ATAD2B: variants seen among roughly 807,000 people sequenced by gnomAD.
The protein encoded by ATAD2B is ATPase family AAA domain containing 2B.
In ATAD2B, 40 loss-of-function variants were observed where a neutral mutation model predicts 167.6. That is an observed-to-expected ratio of 0.24 (90% confidence interval 0.19 to 0.31). The LOEUF is 0.31. ATAD2B is among the 10% of genes least tolerant of loss of function. ATAD2B has a pLI of 1.00. For missense variants in ATAD2B, 1,242 were observed against 1,757.2 expected (o/e 0.71, Z 5.24); for synonymous variants, 579 against 596.5 (o/e 0.97, Z 0.43).
At chr2:23,873,744 A>C (rs1025694866) in intron 8 of ATAD2B, among the ~76,000 whole-genome samples, 4 of 152,240 alleles carry the variant, frequency 2.6e-5, no homozygotes, top group Non-Finnish European at 5.9e-5. Flanking sequence ...TTCTTCTCGT[A>C]GCTTCAGTAA....
chr2:23,712,557 AGG>A, the ATAD2B span, among the ~76,000 whole-genome samples: 3 of 152,224 alleles, frequency 2.0e-5, no homozygotes, highest in African/African-American at 7.2e-5. Flanking sequence ...AGCAGAGGAG[AGG>A]GGAGAACAGC....
intron 24 of ATAD2B, among the ~76,000 whole-genome samples, chr2:23,760,747 CACAT>C (rs1233941535): frequency 1.7e-5 from 2 of 115,838 alleles, no homozygotes; most frequent in Non-Finnish European, 3.7e-5. Context: ...CACACACACA[CACAT>C]ACACACACAC....
At chr2:23,840,889 T>C (rs892150703) in intron 13 of ATAD2B, among the ~76,000 whole-genome samples, 1 of 152,148 alleles carries the variant, frequency 6.6e-6, no homozygotes, top group African/African-American at 2.4e-5. Flanking sequence ...TGAACTATGG[T>C]TATTAGGGAA....
chr2:23,694,567 G>A, the ATAD2B span, among the ~76,000 whole-genome samples: 1 of 152,158 alleles, frequency 6.6e-6, no homozygotes, highest in Non-Finnish European at 1.5e-5. Context: ...AGTCCTTGTT[G>A]AGCATGAGCA....
intron 1 of ATAD2B, among the ~76,000 whole-genome samples, chr2:23,921,834 G>A (rs1703975871): frequency 6.6e-6 from 1 of 152,138 alleles, no homozygotes; most frequent in African/African-American, 2.4e-5. Context: ...ACAGTATAAG[G>A]AAAAACTTGC....
intron 8 of ATAD2B, among the ~76,000 whole-genome samples, chr2:23,874,133 G>C (rs2150133142): frequency 6.6e-6 from 1 of 151,984 alleles, no homozygotes; most frequent in African/African-American, 2.4e-5. Flanking sequence ...GTTGCAGTGA[G>C]CCGAGATCAC....
intron 22 of ATAD2B, among the ~76,000 whole-genome samples, chr2:23,779,262 G>T (rs1274763923): frequency 7.3e-6 from 1 of 137,692 alleles, no homozygotes; most frequent in Non-Finnish European, 1.5e-5. Flanking sequence ...TGCAAGCTCC[G>T]CCTCCCGGGT....
the ATAD2B span, among the ~76,000 whole-genome samples, chr2:23,682,673 C>G: frequency 6.6e-6 from 1 of 150,814 alleles, no homozygotes; most frequent in Non-Finnish European, 1.5e-5. This position sits in a 1 kb window ranked among gnomAD's most constrained non-coding sequence, Gnocchi z 4.1. Flanking sequence ...TGCTCCTGCA[C>G]CCTCCCACAC....
chr2:23,758,063 C>G lies in ATAD2B; in HGVS notation c.3433G>C (p.Gly1145Arg). ...RRKSRRRSQW[G>R]KGIIKKRKVN... ...TTCCTTTTCTTAATAATTCCTTTAC[C>G]CCACTGTGATCTCCGCCTTGATTTT... The change falls in exon 25 of 28, where the codon GGT becomes CGT. Residue 1145 changes from glycine (G) to arginine (R), a missense_variant. By Grantham distance (125) the Gly-to-Arg change is moderately radical. Coordinates refer to ENST00000238789, the MANE Select transcript of ATAD2B (RefSeq NM_017552.4). The G allele has an allele frequency of 6.3e-7, 1 of 1,595,326 alleles. No individual in the cohort carries two copies. The highest frequency in any genetic ancestry group is 8.5e-7 in the Non-Finnish European group (1 of 1,175,926).
chr2:23,825,656 A>C (rs1470417336), intron 15 of ATAD2B, among the ~76,000 whole-genome samples: 2 of 152,336 alleles, frequency 1.3e-5, no homozygotes, highest in South Asian at 2.1e-4. Context: ...ATAGGAATAT[A>C]CTACCATCTT....
the ATAD2B span, chr2:23,706,858 C>T: frequency 7.9e-6 from 4 of 504,250 alleles, no homozygotes; most frequent in Non-Finnish European, 1.3e-5. Context: ...GGAGGCACCG[C>T]GCTTGGAGCC....
At chr2:23,859,815 G>T (rs1437373713) in intron 12 of ATAD2B, among the ~76,000 whole-genome samples, 1 of 151,692 alleles carries the variant, frequency 6.6e-6, no homozygotes, top group African/African-American at 2.4e-5. Context: ...ACGCGTGGCG[G>T]GGGGGGCACC....
chr2:23,840,832 T>C (rs1254530495), intron 13 of ATAD2B, among the ~76,000 whole-genome samples: 1 of 152,242 alleles, frequency 6.6e-6, no homozygotes, highest in African/African-American at 2.4e-5. Flanking sequence ...GATGATCAAT[T>C]TGACTCTTCT....
chr2:23,709,587 G>A, the ATAD2B span, among the ~76,000 whole-genome samples: 14 of 151,372 alleles, frequency 9.2e-5, no homozygotes, highest in Non-Finnish European at 1.2e-4. Context: ...TCCATGTGAA[G>A]AGCCTCACAC....
intron 13 of ATAD2B, among the ~76,000 whole-genome samples, chr2:23,834,344 T>C (rs1314913537): frequency 6.6e-6 from 1 of 151,862 alleles, no homozygotes; most frequent in African/African-American, 2.4e-5. Context: ...GTATTTTTAG[T>C]AGAGATGGGG....
At chr2:23,805,801 A>AAAAAAAAAAAAC (rs1319088586) in intron 18 of ATAD2B, among the ~76,000 whole-genome samples, 2 of 127,292 alleles carry the variant, frequency 1.6e-5, no homozygotes, top group Non-Finnish European at 3.4e-5. Flanking sequence ...GCTTTAAAAA[A>AAAAAAAAAAAAC]AAAAAAACAA....
chr2:23,683,518 C>T, the ATAD2B span, among the ~76,000 whole-genome samples: 1 of 152,234 alleles, frequency 6.6e-6, no homozygotes, highest in East Asian at 1.9e-4. Context: ...CTTCTCCTTT[C>T]TAAGCCTTGG....
intron 22 of ATAD2B, among the ~76,000 whole-genome samples, chr2:23,775,164 T>A (rs1468510095): frequency 1.3e-5 from 2 of 151,974 alleles, no homozygotes; most frequent in Non-Finnish European, 2.9e-5. Context: ...TTTCATGAAC[T>A]TAGCATTTTA....
At chr2:23,755,177 G>C in intron 25 of ATAD2B, 1 of 153,628 alleles carries the variant, frequency 6.5e-6, no homozygotes, top group Non-Finnish European at 1.4e-5. Context: ...AACAAAAGTG[G>C]GGCCCACCTG....
Sources: gnomAD v4.1 joint callset for allele counts (sites outside exome capture counted in the v4.1 genomes callset) on GRCh38, gnomAD v4.1.1 for gene constraint, Gnocchi (gnomAD v3.1) non-coding constraint, MANE v1.5 for transcripts, NCBI Gene and HGNC (gene_info 2026-07-23, HGNC 2026-07-21) for gene names.